DTHD1: variants seen among roughly 807,000 people sequenced by gnomAD.
DTHD1 encodes death domain containing 1, also known as death domain-containing protein 1.
A neutral mutation model predicts 74.8 loss-of-function variants in DTHD1; 59 were observed. The ratio of observed to expected loss-of-function variants is 0.79; its 90% CI spans 0.64 to 0.98. The LOEUF is 0.98. Among genes scored for constraint, DTHD1 ranks in the 50% least tolerant of loss-of-function variants. The probability of loss-of-function intolerance (pLI) is 0.00; values close to 1 mark genes in which losing one functional copy is unlikely to be tolerated. For missense variants in DTHD1, 1,051 were observed against 1,065.4 expected (o/e 0.99, Z 0.19); for synonymous variants, 365 against 371.1 (o/e 0.98, Z 0.19).
rs549990819 is a variant in DTHD1 at position 36,322,859 on chromosome 4, C to A, written c.2340+6373C>A. ...GCACATAATTGTATTTTGGCAGAAA[C>A]AAGGCAAGTTTCAAAAAACTCTCAA... On this transcript the variant is annotated intron_variant, in intron 8 of 9. Coordinates refer to ENST00000639862, the MANE Select transcript of DTHD1 (RefSeq NM_001170700.3). 4.6e-5 allele frequency among the ~76,000 whole-genome samples: 7 copies of A among 152,206 alleles called. No individual in the cohort carries two copies. The South Asian group carries it at 6.2e-4, about 14-fold the overall frequency.
chr4:36,322,832 C>T (rs538074135), intron 8 of DTHD1, among the ~76,000 whole-genome samples: 13 of 152,330 alleles, frequency 8.5e-5, no homozygotes, highest in African/African-American at 1.2e-4. Context: ...TCAGTTCACA[C>T]TGCACATAAT....
chr4:36,313,073 C>G (rs985230020), intron 7 of DTHD1, among the ~76,000 whole-genome samples: 1 of 152,086 alleles, frequency 6.6e-6, no homozygotes, highest in Non-Finnish European at 1.5e-5. Context: ...CTAGCACTTT[C>G]AATTTTTTAA....
intron 2 of DTHD1, among the ~76,000 whole-genome samples, chr4:36,286,978 T>C (rs1347102818): frequency 6.6e-6 from 1 of 152,160 alleles, no homozygotes; most frequent in African/African-American, 2.4e-5. Flanking sequence ...AAATTTTTCT[T>C]ATTTTTTTTT....
At chr4:36,328,560 A>G (rs148178982) in intron 8 of DTHD1, among the ~76,000 whole-genome samples, 211 of 152,302 alleles carry the variant, frequency 1.4e-3, no homozygotes, top group African/African-American at 4.9e-3. Context: ...AAAATATACA[A>G]TGAACCTACA....
Position 36,343,524 on chromosome 4 carries a change from C to G in DTHD1, c.2421C>G (p.Leu807=). 1 of 1,551,370 alleles carries G rather than the reference C, an allele frequency of 6.4e-7. No homozygotes were observed. Among genetic ancestry groups the G allele is most frequent in the Non-Finnish European group, 8.7e-7 (1 of 1,146,760 alleles). Residue 807 remains leucine, a synonymous_variant, in exon 10 of 10, where the codon CTC becomes CTG. Transcript: ENST00000639862. The part of the protein sequence containing the change: ...DPVEALWDNL[L]HWLAEELSEE... ...CAGAAGCCCTTTGGGATAACTTGCT[C>G]CATTGGCTGGCTGAGGAGCTCTCAG...
intron 8 of DTHD1, among the ~76,000 whole-genome samples, chr4:36,337,554 C>T (rs1423026509): frequency 6.6e-6 from 1 of 152,134 alleles, no homozygotes; most frequent in African/African-American, 2.4e-5. Context: ...ATTTCTTTCT[C>T]AATATTTTCA....
At chr4:36,292,788 A>G (rs1314788891) in intron 3 of DTHD1, among the ~76,000 whole-genome samples, 7 of 152,236 alleles carry the variant, frequency 4.6e-5, no homozygotes, top group African/African-American at 1.7e-4. Context: ...TTGGGGAAGT[A>G]TGAATAGACC....
Position 36,339,132 on chromosome 4 carries a change from T to C in DTHD1, c.2361T>C (p.Arg787=). The part of the protein sequence containing the change: ...KLPKHKKLIN[R]PQSTKRVSKD... ...AATAGCATAAGAAATTAATCAACCG[T>C]CCACAGAGTACCAAAAGAGTTTCTA... is the stretch of plus-strand genomic sequence containing the variant. Residue 787 remains arginine, a synonymous_variant, in exon 9 of 10, where the codon CGT becomes CGC. Transcript: ENST00000639862. 3.2e-6 allele frequency: 5 copies of C among 1,548,140 alleles called. No homozygotes were observed. The highest frequency in any genetic ancestry group is 4.4e-6 in the Non-Finnish European group (5 of 1,144,332).
At chr4:36,291,575 TCTC>T (rs1756081647) in intron 3 of DTHD1, among the ~76,000 whole-genome samples, 1 of 152,216 alleles carries the variant, frequency 6.6e-6, no homozygotes, top group Non-Finnish European at 1.5e-5. Flanking sequence ...AGGCCTGTAA[TCTC>T]AGCGCTTTGG....
At chr4:36,336,408 T>TG (rs1226711817) in intron 8 of DTHD1, among the ~76,000 whole-genome samples, 2 of 152,148 alleles carry the variant, frequency 1.3e-5, no homozygotes, top group African/African-American at 4.8e-5. Flanking sequence ...TGCTAGCACT[T>TG]GGGGGAATGG....
chr4:36,322,298 A>G (rs768461900), intron 8 of DTHD1, among the ~76,000 whole-genome samples: 10 of 152,212 alleles, frequency 6.6e-5, no homozygotes, highest in African/African-American at 2.2e-4. Flanking sequence ...TAGATGCTCA[A>G]TAAACATGAG....
chr4:36,333,137 A>C (rs895093526), intron 8 of DTHD1, among the ~76,000 whole-genome samples: 1 of 152,122 alleles, frequency 6.6e-6, no homozygotes, highest in Non-Finnish European at 1.5e-5. Flanking sequence ...ATATATATGA[A>C]TGTATTAAAT....
intron 8 of DTHD1, among the ~76,000 whole-genome samples, chr4:36,318,848 T>G (rs867540841): frequency 9.8e-4 from 150 of 152,304 alleles, no homozygotes; most frequent in Middle Eastern, 6.8e-3. Context: ...TCTCCTGACC[T>G]CGTGATCCGC....
chr4:36,321,223 C>A (rs762504600), intron 8 of DTHD1, among the ~76,000 whole-genome samples: 8 of 152,118 alleles, frequency 5.3e-5, no homozygotes, highest in Non-Finnish European at 1.0e-4. Context: ...CAGAGTTATC[C>A]CTTAAAGCAG....
At chr4:36,303,159 G>C (rs991655683) in intron 5 of DTHD1, among the ~76,000 whole-genome samples, 2 of 152,150 alleles carry the variant, frequency 1.3e-5, no homozygotes, top group African/African-American at 4.8e-5. Context: ...CACTATGTCA[G>C]CATGTTGCCT....
At position 36,347,162 on chromosome 4, in the gene DTHD1, G is replaced by A. The variant is rs1051881087; in HGVS notation, c.*3338G>A. On this transcript the variant is annotated 3_prime_UTR_variant, in exon 10 of 10. Coordinates refer to ENST00000639862, the MANE Select transcript of DTHD1 (RefSeq NM_001170700.3). ...TCTTATTAAATTATGAGTTTTTAATGTCTTCGAATGTTTTAATGACTGTAT... is the reference window on the plus strand; with the variant it reads ...TCTTATTAAATTATGAGTTTTTAATATCTTCGAATGTTTTAATGACTGTAT... 1.9e-4 allele frequency among the ~76,000 whole-genome samples: 29 copies of A among 152,006 alleles called. No homozygotes were observed. Among genetic ancestry groups the A allele is most frequent in the African/African-American group, 7.0e-4 (29 of 41,388 alleles).
In DTHD1 at chr4:36,281,675, G is replaced by C. The variant is rs1294195354; in HGVS notation, c.-84G>C. ...ACTCGGATCATCTCCTAGAGTTTAG[G>C]AGAAATAACAATCACAAAGTTTGAA... is the stretch of plus-strand genomic sequence containing the variant. On this transcript the variant is annotated 5_prime_UTR_variant, in exon 1 of 10. Coordinates refer to ENST00000639862, the MANE Select transcript of DTHD1 (RefSeq NM_001170700.3). 1.6e-6 allele frequency: 2 copies of C among 1,234,866 alleles called. No homozygotes were observed. The highest frequency in any genetic ancestry group is 3.1e-5 in the African/African-American group (2 of 64,514). The allele number at this position is 1,234,866 out of a possible 1,614,324, so 76.5% of individuals were successfully genotyped here. A position where few individuals can be genotyped will look rare whatever the true frequency, so the allele number is the denominator to read the frequency against.
At position 36,346,415 on chromosome 4, in the gene DTHD1, AT is replaced by A. The variant is rs1376339777; in HGVS notation, c.*2596del. ...ACACACCTCTTCACAACACAGATAC[AT>A]TTTTCCCCCAGAATTAAAACAAATA... is the stretch of plus-strand genomic sequence containing the variant. On this transcript the variant is annotated 3_prime_UTR_variant, in exon 10 of 10. Transcript: ENST00000639862. Among the ~76,000 whole-genome samples the A allele has an allele frequency of 6.6e-6, 1 of 152,040 alleles. No individual in the cohort carries two copies. Among genetic ancestry groups the A allele is most frequent in the African/African-American group, 2.4e-5 (1 of 41,484 alleles).
At chr4:36,295,595 T>G (rs1756350858) in intron 5 of DTHD1, among the ~76,000 whole-genome samples, 1 of 152,018 alleles carries the variant, frequency 6.6e-6, no homozygotes, top group African/African-American at 2.4e-5. Flanking sequence ...AAAAAAAACT[T>G]GTAGAAATAC....
Sources: allele counts gnomAD v4.1 joint callset (sites outside exome capture counted in the v4.1 genomes callset), GRCh38; gene constraint gnomAD v4.1.1; transcripts MANE v1.5; gene names NCBI Gene and HGNC (gene_info 2026-07-23, HGNC 2026-07-21).